The following KANSL1 variants were observed in gnomAD, a reference collection of about 807,000 sequenced individuals.
KANSL1 encodes the protein MLL1/MLL complex subunit KANSL1.
A neutral mutation model predicts 103.6 loss-of-function variants in KANSL1; 22 were observed. The observed-to-expected ratio is 0.21, with a 90% CI of 0.15 to 0.30. KANSL1 has a LOEUF of 0.30. Ranked by LOEUF, KANSL1 falls within the 10% of genes least tolerant of loss-of-function variation. The pLI, the probability that KANSL1 is intolerant of heterozygous loss-of-function variation, is 1.00. For synonymous variants in KANSL1, 600 were observed against 527.6 expected, an observed-to-expected ratio of 1.14 and a Z score of -1.88; for missense variants, 1,337 against 1,399.8, an observed-to-expected ratio of 0.96 and a Z score of 0.72.
chr17:46,084,008 T>C (rs2146841681), intron 3 of KANSL1, among the ~76,000 whole-genome samples: 1 of 152,290 alleles, frequency 6.6e-6, no homozygotes, highest in Middle Eastern at 3.4e-3. Flanking sequence ...AAGAAGTATG[T>C]ATCTCTTTTT....
intron 2 of KANSL1, among the ~76,000 whole-genome samples, chr17:46,128,824 T>C (rs1420857747): frequency 6.6e-6 from 1 of 151,996 alleles, no homozygotes; most frequent in Non-Finnish European, 1.5e-5. Flanking sequence ...CGATATGGAG[T>C]TTGAATTTTA....
chr17:46,032,446 C>T (rs2077037581), intron 13 of KANSL1, 147 bp from the exon 14 acceptor site: 2 of 621,160 alleles, frequency 3.2e-6, no homozygotes, highest in South Asian at 2.5e-5. Context: ...CCATTTCTTC[C>T]CACTATTCTC....
intron 2 of KANSL1, among the ~76,000 whole-genome samples, chr17:46,139,927 G>A (rs2532313): frequency 0.14 from 21,951 of 152,102 alleles, 2,135 homozygotes; most frequent in Non-Finnish European, 0.22. Context: ...CTGGTTTACA[G>A]GCCACCACAA....
At chr17:46,102,438 T>A (rs1053360111) in intron 2 of KANSL1, among the ~76,000 whole-genome samples, 5 of 152,076 alleles carry the variant, frequency 3.3e-5, no homozygotes, top group African/African-American at 4.8e-5. Context: ...TTAGTAGAGA[T>A]GGGGTTTTGC....
chr17:46,111,992 G>C (rs2042829933), intron 2 of KANSL1, among the ~76,000 whole-genome samples: 1 of 152,164 alleles, frequency 6.6e-6, no homozygotes, highest in Admixed American at 6.5e-5. Flanking sequence ...TTACTATCAA[G>C]GTAACTGAAA....
At chr17:46,114,590 T>C (rs2042963571) in intron 2 of KANSL1, among the ~76,000 whole-genome samples, 1 of 152,214 alleles carries the variant, frequency 6.6e-6, no homozygotes, top group Non-Finnish European at 1.5e-5. Context: ...AGACCACATG[T>C]CAGTATTTTA....
chr17:46,058,873 G>A (rs990162159), intron 6 of KANSL1, among the ~76,000 whole-genome samples: 3 of 151,310 alleles, frequency 2.0e-5, no homozygotes, highest in Admixed American at 2.0e-4. Flanking sequence ...CCAACATGGC[G>A]AAAACCCATC....
At chr17:46,105,744 G>A (rs1414917324) in intron 2 of KANSL1, among the ~76,000 whole-genome samples, 5 of 152,140 alleles carry the variant, frequency 3.3e-5, no homozygotes, top group African/African-American at 1.2e-4. Flanking sequence ...GGTGGTGCAA[G>A]CCTAAGGTCC....
chr17:46,048,775 T>C (rs1278874382), intron 7 of KANSL1, among the ~76,000 whole-genome samples: 2 of 152,206 alleles, frequency 1.3e-5, no homozygotes, highest in Non-Finnish European at 2.9e-5. Flanking sequence ...TAAAAAATCA[T>C]AATTTCAGAT....
chr17:46,038,369 A>G, intron 10 of KANSL1, 169 bp downstream of exon 10: 2 of 693,666 alleles, frequency 2.9e-6, no homozygotes, highest in Non-Finnish European at 4.7e-6. Context: ...GTCAAGTACC[A>G]TGACTTTGAC....
chr17:46,112,282 C>T (rs1464662152), intron 2 of KANSL1, among the ~76,000 whole-genome samples: 1 of 140,988 alleles, frequency 7.1e-6, no homozygotes, highest in Non-Finnish European at 1.5e-5. Flanking sequence ...GTAAGAAAAT[C>T]GCTTGAACCC....
chr17:46,159,674 T>C (rs1252399327), intron 2 of KANSL1, among the ~76,000 whole-genome samples: 3 of 152,216 alleles, frequency 2.0e-5, no homozygotes, highest in Non-Finnish European at 4.4e-5. Context: ...TTAAGAATAA[T>C]GGAGAAAGAA....
chr17:46,121,249 G>C (rs2043267107), intron 2 of KANSL1: 1 of 151,732 alleles, frequency 6.6e-6, no homozygotes, highest in Admixed American at 6.6e-5. Context: ...GCAGGAACTG[G>C]CATTCTACCT....
intron 14 of KANSL1, 36 bp from the exon 15 acceptor site, chr17:46,031,739 C>T (rs1598440533): frequency 6.5e-7 from 1 of 1,537,580 alleles, no homozygotes; most frequent in South Asian, 1.2e-5. Context: ...AGGACCCAGT[C>T]CCAGCCAGCC....
chr17:46,077,206 C>T (rs564507236), intron 4 of KANSL1, among the ~76,000 whole-genome samples: 2 of 152,256 alleles, frequency 1.3e-5, no homozygotes, highest in African/African-American at 4.8e-5. Flanking sequence ...TGCACGCCCC[C>T]ACACCAGGCT....
At position 46,110,616 on chromosome 17, in the gene KANSL1, A is replaced by G. The variant is rs559359658; in HGVS notation, c.1290-15915T>C. On this transcript the variant is annotated intron_variant, in intron 2 of 14. Transcript: ENST00000432791. ...TTTTCTCAAAAATAAGTCAAAGTGG[A>G]GGAAGGGGGGAGATGACCCTCTGAA... Among the ~76,000 whole-genome samples the G allele has an allele frequency of 1.3e-3, 203 of 152,374 alleles. 1 individual carries two copies. Among genetic ancestry groups the G allele is most frequent in the African/African-American group, 4.6e-3 (192 of 41,584 alleles).
At chr17:46,124,139 C>G (rs756363185) in intron 2 of KANSL1, among the ~76,000 whole-genome samples, 5 of 152,210 alleles carry the variant, frequency 3.3e-5, no homozygotes, top group Non-Finnish European at 4.4e-5. Context: ...TGGCTCATGC[C>G]TGTAATCCCA....
At chr17:46,197,822 T>C (rs571759297), upstream of KANSL1, among the ~76,000 whole-genome samples, 4 of 152,330 alleles carry the variant, frequency 2.6e-5, no homozygotes, top group South Asian at 6.2e-4. Context: ...CTATAGATAA[T>C]AAACGTATTC....
chr17:46,090,863 A>C (rs1355072411), intron 3 of KANSL1, among the ~76,000 whole-genome samples: 1 of 152,266 alleles, frequency 6.6e-6, no homozygotes, highest in Admixed American at 6.5e-5. Context: ...AGTATACCAC[A>C]TACAATTATG....
Sources: allele counts gnomAD v4.1 joint callset (sites outside exome capture counted in the v4.1 genomes callset), GRCh38; gene constraint gnomAD v4.1.1; transcripts MANE v1.5; gene names NCBI Gene and HGNC (gene_info 2026-07-23, HGNC 2026-07-21).